The following ASB6 variants were observed in gnomAD, a reference collection of about 807,000 sequenced individuals.
ASB6 encodes ankyrin repeat and SOCS box protein 6.
ASB6 carries 24 observed loss-of-function variants against 28.6 expected under a neutral mutation model. The ratio of observed to expected loss-of-function variants is 0.84; its 90% CI spans 0.61 to 1.18. ASB6 has a LOEUF of 1.18. Ranked by LOEUF, ASB6 falls within the 50% of genes most tolerant of loss-of-function variation. ASB6 has a pLI of 0.00. For synonymous variants in ASB6, 267 were observed against 243.4 expected, an observed-to-expected ratio of 1.10 and a Z score of -0.90; for missense variants, 519 against 559.8, an observed-to-expected ratio of 0.93 and a Z score of 0.74.
At chr9:129,641,749 G>A (rs748209693) in intron 1 of ASB6, 138 bp downstream of exon 1, 5 of 953,866 alleles carry the variant, frequency 5.2e-6, no homozygotes, top group Middle Eastern at 2.5e-4. Flanking sequence ...CGCGCACTCC[G>A]AGCCACGCAA....
At position 129,637,726 on chromosome 9, in the gene ASB6, C is replaced by T; in HGVS notation, c.*64G>A. 1 of 1,416,236 alleles carries T rather than the reference C, an allele frequency of 7.1e-7. No homozygotes were observed. Among genetic ancestry groups the T allele is most frequent in the Non-Finnish European group, 9.5e-7 (1 of 1,057,064 alleles). The allele number at this position is 1,416,236 out of a possible 1,614,324, so 87.7% of individuals were successfully genotyped here. ...AAAAAGACCCTCTTCTAATGCTGTC[C>T]CAGCATCTACCAACAGGCTGACCTG... On this transcript the variant is annotated 3_prime_UTR_variant, in exon 6 of 6. Transcript: ENST00000277458.
chr9:129,636,395 TAAAAC>T lies in ASB6; in HGVS notation c.*1390_*1394del, dbSNP rs1831553709. 1 of 146,048 alleles carries T rather than the reference TAAAAC, an allele frequency of 6.8e-6. No individual in the cohort carries two copies. The highest frequency in any genetic ancestry group is 1.5e-5 in the Non-Finnish European group (1 of 66,672). 9.0% of individuals were successfully genotyped at this position (146,048 alleles called of 1,614,324 possible). On this transcript the variant is annotated 3_prime_UTR_variant, in exon 6 of 6. Transcript: ENST00000277458. ...GACAGAGCGAGACTCTGTCTCAAAA[TAAAAC>T]TAAAATAAAATGGGGGCCGGGCACA... is the stretch of plus-strand genomic sequence containing the variant.
chr9:129,640,717 CTG>C lies in ASB6; in HGVS notation c.117_118del (p.Ser40LeufsTer14), dbSNP rs768619592. 1.9e-6 allele frequency: 3 copies of C among 1,613,976 alleles called. No homozygotes were observed. Among genetic ancestry groups the C allele is most frequent in the Non-Finnish European group, 1.7e-6 (2 of 1,179,986 alleles). ...TCGGCTCTCCTCGCTGGCGACATAA[CTG>C]GGCCTGGGACAGGAGAGAGGCTGAG... On this transcript the variant is annotated frameshift_variant, in exon 2 of 6. Coordinates refer to ENST00000277458, the MANE Select transcript of ASB6 (RefSeq NM_017873.4). LOFTEE classifies it high-confidence loss of function.
At position 129,640,537 on chromosome 9, in the gene ASB6, T is replaced by C; in HGVS notation, c.295+4A>G. The C allele has an allele frequency of 6.2e-7, 1 of 1,603,754 alleles. No individual in the cohort carries two copies. The highest frequency in any genetic ancestry group is 8.5e-7 in the Non-Finnish European group (1 of 1,175,960). The stretch of plus-strand genomic sequence containing the variant: ...ACCTGCCCACCCCCGGGGCTCTCGC[T>C]GACCTTCAAAGTTGAGATTGGCCCC... On this transcript the variant is annotated splice_donor_region_variant and intron_variant, in intron 2 of 5. Transcript: ENST00000277458.
Position 129,642,126 on chromosome 9 carries a change from CG to C in ASB6, c.-128del, listed in dbSNP as rs1831721014. 7.5e-7 allele frequency: 1 copy of C among 1,336,326 alleles called. No homozygotes were observed. 82.8% of individuals were successfully genotyped at this position (1,336,326 alleles called of 1,614,324 possible). On this transcript the variant is annotated 5_prime_UTR_variant, in exon 1 of 6. Coordinates refer to ENST00000277458, the MANE Select transcript of ASB6 (RefSeq NM_017873.4). This position sits in a 1 kb window ranked among gnomAD's most constrained non-coding sequence, Gnocchi z 4.3. The stretch of plus-strand genomic sequence containing the variant: ...CGCCAGTCCAGCCCCTGCGCCCGGC[CG>C]GGTCCGCTCCTCAGTCCAAGCCGCG...
At chr9:129,640,859 G>A (rs1831679357) in intron 1 of ASB6, 137 bp from the exon 2 acceptor site, 5 of 1,065,760 alleles carry the variant, frequency 4.7e-6, no homozygotes, top group Non-Finnish European at 6.8e-6. Flanking sequence ...GGGGCTTGGG[G>A]GAAGCTCTGA....
rs187872989 is a variant in ASB6 at position 129,635,624 on chromosome 9, C to T, written c.*2166G>A. On this transcript the variant is annotated 3_prime_UTR_variant, in exon 6 of 6. Coordinates refer to ENST00000277458, the MANE Select transcript of ASB6 (RefSeq NM_017873.4). ...ATTATGCGGGCTCTTCTTCAAAAGGCAAGGTGGGACCCGGCGGGGAGGGTG... is the reference window on the plus strand; with the variant it reads ...ATTATGCGGGCTCTTCTTCAAAAGGTAAGGTGGGACCCGGCGGGGAGGGTG... 1 of 906,272 alleles carries T rather than the reference C, an allele frequency of 1.1e-6. No individual in the cohort carries two copies. Among genetic ancestry groups the T allele is most frequent in the African/African-American group, 1.7e-5 (1 of 60,412 alleles). 56.1% of individuals were successfully genotyped at this position (906,272 alleles called of 1,614,324 possible). A position where few individuals can be genotyped will look rare whatever the true frequency, so the allele number is the denominator to read the frequency against.
Position 129,639,315 on chromosome 9 carries a change from G to A in ASB6, c.403-5C>T, listed in dbSNP as rs1831635545. ...CAAGGGGCTACTCTCGTGGATCTGA[G>A]CCAAGGAAGCACAGCCAGGTTGGCT... On this transcript the variant is annotated splice_polypyrimidine_tract_variant and splice_region_variant and intron_variant, in intron 3 of 5. Transcript: ENST00000277458. 1 of 1,609,076 alleles carries A rather than the reference G, an allele frequency of 6.2e-7. No homozygotes were observed. The highest frequency in any genetic ancestry group is 8.5e-7 in the Non-Finnish European group (1 of 1,176,216).
chr9:129,641,631 G>A (rs1014863974), intron 1 of ASB6, among the ~76,000 whole-genome samples: 1 of 151,992 alleles, frequency 6.6e-6, no homozygotes, highest in African/African-American at 2.4e-5. Context: ...GCGACAGGGT[G>A]GGGCTGAGGC....
In ASB6 at chr9:129,638,105, CTCG is replaced by C; in HGVS notation, c.948_950del (p.Asp316del). ...CTTTGCGCAGGAGGTCCGCATGGCT[CTCG>C]TCTTCCGTGCAGCCTGGGTGGGAAC... On this transcript the variant is annotated inframe_deletion, in exon 6 of 6. Transcript: ENST00000277458. 1 of 1,614,190 alleles carries C rather than the reference CTCG, an allele frequency of 6.2e-7. No homozygotes were observed. The highest frequency in any genetic ancestry group is 8.5e-7 in the Non-Finnish European group (1 of 1,180,044).
chr9:129,637,941 G>T lies in ASB6; in HGVS notation c.1115C>A (p.Pro372His). The change falls in exon 6 of 6, where the codon CCC (proline) becomes CAC (histidine). Residue 372 changes from proline (P) to histidine (H), a missense_variant. Coordinates refer to ENST00000277458, the MANE Select transcript of ASB6 (RefSeq NM_017873.4). ...HFSLRQLESY[P>H]PPLKHLCRVA... Reference sequence around the variant, plus strand: ...ACGGCACAGGTGCTTGAGGGGCGGGGGATAGCTCTCCAGCTGCCTCAAGGA... The same window carrying T: ...ACGGCACAGGTGCTTGAGGGGCGGGTGATAGCTCTCCAGCTGCCTCAAGGA... 6.3e-7 allele frequency: 1 copy of T among 1,595,516 alleles called. No homozygotes were observed. The highest frequency in any genetic ancestry group is 1.1e-5 in the South Asian group (1 of 87,802).
At position 129,637,919 on chromosome 9, in the gene ASB6, G is replaced by T. The variant is rs750796506; in HGVS notation, c.1137C>A (p.Cys379Ter). The T allele has an allele frequency of 3.8e-6, 6 of 1,590,284 alleles. No individual in the cohort carries two copies. The highest frequency in any genetic ancestry group is 5.1e-6 in the Non-Finnish European group (6 of 1,167,684). The change falls in exon 6 of 6, where the codon TGC (cysteine) becomes TGA (stop). Residue 379 changes from cysteine to a stop codon, truncating the protein, a stop_gained. Coordinates refer to ENST00000277458, the MANE Select transcript of ASB6 (RefSeq NM_017873.4). LOFTEE classifies it high-confidence loss of function. ...ESYPPPLKHL[C>*]RVAIRLYLQP... ...GAAGGTAGAGCCGGATGGCCACACG[G>T]CACAGGTGCTTGAGGGGCGGGGGAT...
At chr9:129,641,764 G>T in intron 1 of ASB6, 123 bp downstream of exon 1, 1 of 1,075,304 alleles carries the variant, frequency 9.3e-7, no homozygotes, top group South Asian at 1.9e-5. Flanking sequence ...ACGCAACCCC[G>T]GCTTCCGCCC....
chr9:129,639,566 C>T, intron 2 of ASB6, 58 bp from the exon 3 acceptor site: 1 of 1,474,032 alleles, frequency 6.8e-7, no homozygotes, highest in Non-Finnish European at 9.3e-7. Flanking sequence ...TATGGGGCCC[C>T]CGGACCCAGA....
At position 129,640,543 on chromosome 9, in the gene ASB6, T is replaced by A; in HGVS notation, c.293A>T (p.Glu98Val). The change falls in exon 2 of 6, where the codon GAA becomes GTA. Residue 98 changes from glutamate to valine, a missense_variant and splice_region_variant. Coordinates refer to ENST00000277458, the MANE Select transcript of ASB6 (RefSeq NM_017873.4). ...CCACCCCCGGGGCTCTCGCTGACCT[T>A]CAAAGTTGAGATTGGCCCCATGCCG... The part of the protein sequence containing the change: ...LLRHGANLNF[E>V]DPVTYYTALH... The A allele has an allele frequency of 1.2e-6, 2 of 1,605,864 alleles. No homozygotes were observed.
In ASB6 at chr9:129,642,142, T is replaced by C; in HGVS notation, c.-143A>G. 1 of 1,302,432 alleles carries C rather than the reference T, an allele frequency of 7.7e-7. No homozygotes were observed. 80.7% of individuals were successfully genotyped at this position (1,302,432 alleles called of 1,614,324 possible). On this transcript the variant is annotated 5_prime_UTR_variant, in exon 1 of 6. Transcript: ENST00000277458. The surrounding 1 kb of genome is among the most constrained non-coding windows in gnomAD (Gnocchi z 4.3). The stretch of plus-strand genomic sequence containing the variant: ...GCGCCCGGCCGGGTCCGCTCCTCAG[T>C]CCAAGCCGCGCCCCCGCCGGAAGTG...
At position 129,634,930 on chromosome 9, in the gene ASB6, C is replaced by A; in HGVS notation, c.*2860G>T. 2 of 438,166 alleles carry A rather than the reference C, an allele frequency of 4.6e-6. No homozygotes were observed. The highest frequency in any genetic ancestry group is 5.7e-5 in the South Asian group (2 of 34,816). The allele number at this position is 438,166 out of a possible 1,614,324, so 27.1% of individuals were successfully genotyped here. On this transcript the variant is annotated 3_prime_UTR_variant, in exon 6 of 6. Coordinates refer to ENST00000277458, the MANE Select transcript of ASB6 (RefSeq NM_017873.4). ...CGATCCAAGCCTGGCAGGGGTGGGG[C>A]ATCATGGTGTGTAGGTATCAGGCAG...
Position 129,638,372 on chromosome 9 carries a change from G to A in ASB6, c.684C>T (p.Asp228=). The change falls in exon 6 of 6, where the codon GAC becomes GAT. Residue 228 remains aspartate, a synonymous_variant. Coordinates refer to ENST00000277458, the MANE Select transcript of ASB6 (RefSeq NM_017873.4). ...GGTTGATCATCTGGGCCTCCTCTTT[G>A]TCCCCTCCCACGGTCTCACCAAGCA... ...IFLLGETVGG[D]KEEAQMINRF... 6.2e-7 allele frequency: 1 copy of A among 1,613,518 alleles called. No individual in the cohort carries two copies. Among genetic ancestry groups the A allele is most frequent in the Non-Finnish European group, 8.5e-7 (1 of 1,180,016 alleles).
At chr9:129,638,944 G>A (rs1253792607) in intron 4 of ASB6, among the ~76,000 whole-genome samples, 1 of 152,258 alleles carries the variant, frequency 6.6e-6, no homozygotes. Context: ...TTGTTTCTTG[G>A]AAACTAAGTG....
Sources: gnomAD v4.1 joint callset for allele counts (sites outside exome capture counted in the v4.1 genomes callset) on GRCh38, gnomAD v4.1.1 for gene constraint, Gnocchi (gnomAD v3.1) non-coding constraint, MANE v1.5 for transcripts, NCBI Gene and HGNC (gene_info 2026-07-23, HGNC 2026-07-21) for gene names.